The following KLF12 variants were observed in gnomAD, a reference collection of about 807,000 sequenced individuals.
KLF12 encodes KLF transcription factor 12.
In KLF12, 9 loss-of-function variants were observed where a neutral mutation model predicts 37.8. That is an observed-to-expected ratio of 0.24 (90% CI 0.14 to 0.42). KLF12 has a LOEUF of 0.42. KLF12 is among the 10% of genes least tolerant of loss of function. The probability of loss-of-function intolerance (pLI) is 1.00; values close to 1 mark genes in which losing one functional copy is unlikely to be tolerated. For synonymous variants in KLF12, 208 were observed against 202.1 expected, an observed-to-expected ratio of 1.03 and a Z score of -0.25; for missense variants, 411 against 516.0, an observed-to-expected ratio of 0.80 and a Z score of 1.97.
chr13:74,131,576 C>A (rs754290680), intron 1 of KLF12, among the ~76,000 whole-genome samples: 4 of 152,134 alleles, frequency 2.6e-5, no homozygotes, highest in Non-Finnish European at 5.9e-5. Context: ...ATATTAAGGA[C>A]TCATTAGCAC....
intron 1 of KLF12, among the ~76,000 whole-genome samples, chr13:74,010,608 C>T (rs753989677): frequency 3.3e-5 from 5 of 151,996 alleles, no homozygotes; most frequent in African/African-American, 7.3e-5. Context: ...TTGTACAAGG[C>T]GTTTGTAGTT....
At chr13:74,196,761 T>C in the KLF12 span, among the ~76,000 whole-genome samples, 1,079 of 152,318 alleles carry the variant, frequency 7.1e-3, 12 homozygotes, top group African/African-American at 0.022. Context: ...CTTCAAGTTA[T>C]ACAATGTGAA....
the KLF12 span, among the ~76,000 whole-genome samples, chr13:74,158,826 G>A: frequency 6.6e-6 from 1 of 152,144 alleles, no homozygotes; most frequent in Non-Finnish European, 1.5e-5. Context: ...TGCAATGAGT[G>A]TTCACTGAAT....
At position 73,845,943 on chromosome 13, in the gene KLF12, C is replaced by T. The variant is rs1427161626; in HGVS notation, c.554G>A (p.Arg185His). ...CACCGACTGTACCACCACGGGGATGCGGTGAACATGACTCAGTTTGTTAGA... is the reference window on the plus strand; with the variant it reads ...CACCGACTGTACCACCACGGGGATGTGGTGAACATGACTCAGTTTGTTAGA... Residue 185 changes from arginine (R) to histidine (H), a missense_variant, in exon 4 of 8, where the codon CGC becomes CAC. Coordinates refer to ENST00000377669, the MANE Select transcript of KLF12 (RefSeq NM_007249.5). 7.4e-6 allele frequency: 12 copies of T among 1,614,028 alleles called. No homozygotes were observed. The highest frequency in any genetic ancestry group is 8.5e-6 in the Non-Finnish European group (10 of 1,179,920).
chr13:73,795,186 G>A (rs995159221), intron 5 of KLF12, among the ~76,000 whole-genome samples: 1 of 152,130 alleles, frequency 6.6e-6, no homozygotes, highest in Non-Finnish European at 1.5e-5. Context: ...CCTGATCCAC[G>A]CAGACCTTCC....
chr13:74,167,622 T>C, the KLF12 span, among the ~76,000 whole-genome samples: 1 of 152,230 alleles, frequency 6.6e-6, no homozygotes, highest in African/African-American at 2.4e-5. Context: ...GAATCTCTCA[T>C]TTCTCTAAAA....
the KLF12 span, among the ~76,000 whole-genome samples, chr13:74,304,634 C>T: frequency 4.6e-5 from 7 of 151,964 alleles, no homozygotes; most frequent in Middle Eastern, 6.8e-3. Context: ...AAAGAAAGGA[C>T]GATAATTTCA....
At chr13:73,912,176 T>G (rs1018307934) in intron 3 of KLF12, among the ~76,000 whole-genome samples, 2 of 152,176 alleles carry the variant, frequency 1.3e-5, no homozygotes, top group African/African-American at 4.8e-5. Flanking sequence ...CAAGTTTGCC[T>G]TTTCTTCTTC....
chr13:74,072,980 G>A (rs986793588), intron 1 of KLF12, among the ~76,000 whole-genome samples: 8 of 152,106 alleles, frequency 5.3e-5, no homozygotes, highest in Admixed American at 2.0e-4. Flanking sequence ...GAATCATGGC[G>A]GTGGGTTCTT....
chr13:73,750,487 T>C (rs1411754353), intron 6 of KLF12, among the ~76,000 whole-genome samples: 1 of 151,850 alleles, frequency 6.6e-6, no homozygotes, highest in Non-Finnish European at 1.5e-5. Flanking sequence ...GAGGAGAAGG[T>C]GGAAAGAACA....
chr13:73,941,121 C>G (rs758175897), intron 3 of KLF12, among the ~76,000 whole-genome samples: 3 of 152,236 alleles, frequency 2.0e-5, no homozygotes, highest in Non-Finnish European at 2.9e-5. Flanking sequence ...AGTACCAAAA[C>G]TAGGTTTTTC....
the KLF12 span, among the ~76,000 whole-genome samples, chr13:74,175,904 T>C: frequency 2.0e-5 from 3 of 152,162 alleles, no homozygotes; most frequent in South Asian, 2.1e-4. Context: ...AAGGAACTCC[T>C]TGGGCTATCT....
intron 1 of KLF12, among the ~76,000 whole-genome samples, chr13:74,089,034 ATT>A (rs1282168183): frequency 6.6e-6 from 1 of 152,222 alleles, no homozygotes; most frequent in Admixed American, 6.5e-5. Context: ...TGTGACAATT[ATT>A]TCTAGAATTC....
At chr13:74,006,843 C>T (rs1460664102) in intron 1 of KLF12, among the ~76,000 whole-genome samples, 1 of 152,196 alleles carries the variant, frequency 6.6e-6, no homozygotes, top group Non-Finnish European at 1.5e-5. Flanking sequence ...TTTAGGTCCT[C>T]ATTTAACAAG....
chr13:73,709,670 A>C (rs1875211806), intron 7 of KLF12, among the ~76,000 whole-genome samples: 1 of 152,232 alleles, frequency 6.6e-6, no homozygotes, highest in African/African-American at 2.4e-5. Flanking sequence ...CCATGACTGC[A>C]CATAGTAACT....
intron 3 of KLF12, among the ~76,000 whole-genome samples, chr13:73,853,102 C>T (rs943797753): frequency 3.3e-5 from 5 of 151,988 alleles, no homozygotes; most frequent in East Asian, 3.9e-4. Flanking sequence ...CTCCTGACCT[C>T]GTGATCCGCC....
chr13:74,189,545 A>T, the KLF12 span, among the ~76,000 whole-genome samples: 2 of 152,172 alleles, frequency 1.3e-5, no homozygotes, highest in Non-Finnish European at 2.9e-5. Context: ...CTGTGGGAAG[A>T]GGAAGATTGT....
At chr13:74,196,359 T>G in the KLF12 span, among the ~76,000 whole-genome samples, 1 of 152,078 alleles carries the variant, frequency 6.6e-6, no homozygotes, top group Non-Finnish European at 1.5e-5. Context: ...GAAGACAGAT[T>G]ATTTATTGCC....
chr13:74,219,993 G>C, the KLF12 span, among the ~76,000 whole-genome samples: 5 of 151,940 alleles, frequency 3.3e-5, no homozygotes, highest in African/African-American at 1.2e-4. Context: ...ATTAGTTTTG[G>C]AAATGTCTTA....
Sources: gnomAD v4.1 joint callset for allele counts (sites outside exome capture counted in the v4.1 genomes callset) on GRCh38, gnomAD v4.1.1 for gene constraint, MANE v1.5 for transcripts, NCBI Gene and HGNC (gene_info 2026-07-23, HGNC 2026-07-21) for gene names.